Variants in ATP8B3 observed in about 807,000 individuals in gnomAD.
The protein encoded by ATP8B3 is phospholipid-transporting ATPase IK.
ATP8B3 carries 141 observed loss-of-function variants against 140.9 expected under a neutral mutation model. That is an observed-to-expected ratio of 1.00 (90% CI 0.87 to 1.15). ATP8B3 has a LOEUF of 1.15. Among genes scored for constraint, ATP8B3 ranks in the 50% most tolerant of loss-of-function variants. ATP8B3 has a pLI of 0.00. For synonymous variants in ATP8B3, 765 were observed against 714.6 expected, an observed-to-expected ratio of 1.07 and a Z score of -1.13; for missense variants, 1,874 against 1,740.6, an observed-to-expected ratio of 1.08 and a Z score of -1.36.
chr19:1,793,360 C>T (rs966546884), intron 18 of ATP8B3, among the ~76,000 whole-genome samples: 4 of 152,202 alleles, frequency 2.6e-5, no homozygotes, highest in African/African-American at 9.6e-5. Context: ...ACCTGAGCCT[C>T]AAAACGCTGA....
intron 16 of ATP8B3, among the ~76,000 whole-genome samples, chr19:1,796,496 G>A (rs538344591): frequency 2.5e-4 from 38 of 152,232 alleles, no homozygotes; most frequent in Non-Finnish European, 4.8e-4. Flanking sequence ...TAGCCCTGAC[G>A]ATGACACGTC....
chr19:1,792,291 G>T (rs2068537147), intron 18 of ATP8B3, among the ~76,000 whole-genome samples, 156 bp from the exon 19 acceptor site: 2 of 152,166 alleles, frequency 1.3e-5, no homozygotes. Context: ...TCAGAAAACT[G>T]GTCTGAGGCC....
chr19:1,806,542 G>GC lies in ATP8B3; in HGVS notation c.677+85_677+86insG, dbSNP rs2069026895. 6.5e-7 allele frequency: 1 copy of GC among 1,536,860 alleles called. No homozygotes were observed. Among genetic ancestry groups the GC allele is most frequent in the African/African-American group, 1.4e-5 (1 of 72,968 alleles). The stretch of plus-strand genomic sequence containing the variant: ...GCCGGGAGATCAGGGAGCACGGAAG[G>GC]TGATGGACACTTGCCGAGGCCGATG... On this transcript the variant is annotated intron_variant, in intron 7 of 28. Coordinates refer to ENST00000310127, the MANE Select transcript of ATP8B3 (RefSeq NM_138813.4). The surrounding 1 kb of genome is among the most constrained non-coding windows in gnomAD (Gnocchi z 5.6).
chr19:1,787,857 C>A (rs1260267970), intron 24 of ATP8B3, among the ~76,000 whole-genome samples: 1 of 150,688 alleles, frequency 6.6e-6, no homozygotes, highest in Admixed American at 6.7e-5. Flanking sequence ...GCCTGGCCAA[C>A]ATGGCAAAAC....
In ATP8B3 at chr19:1,797,791, A is replaced by C. The variant is rs533750454; in HGVS notation, c.1553-786T>G. 1.9e-3 allele frequency among the ~76,000 whole-genome samples: 291 copies of C among 151,310 alleles called. 8 individuals are homozygous for C. Among genetic ancestry groups the C allele is most frequent in the African/African-American group, 6.5e-3 (268 of 41,132 alleles). On this transcript the variant is annotated intron_variant, in intron 14 of 28. Coordinates refer to ENST00000310127, the MANE Select transcript of ATP8B3 (RefSeq NM_138813.4). ...CTGGGATTACAGGCGTAGCCACCGC[A>C]CCCAGCCACTTTTTATGCTTTATTG... is the stretch of plus-strand genomic sequence containing the variant.
rs528928319 is a variant in ATP8B3, at chr19:1,790,828, C to A, written c.2307G>T (p.Thr769=). The change falls in exon 21 of 29, where the codon ACG becomes ACT. Residue 769 remains threonine, a synonymous_variant. Coordinates refer to ENST00000310127, the MANE Select transcript of ATP8B3 (RefSeq NM_138813.4). ...IWVLTGDKQE[T]AVNIGFACEL... is the part of the protein sequence containing the mutation. The stretch of plus-strand genomic sequence containing the variant: ...CGCAGGCGAAGCCGATGTTCACAGC[C>A]GTTTCTGCGAAGCAGACCAGCTCAG... 6.3e-6 allele frequency: 10 copies of A among 1,598,774 alleles called. 1 individual carries two copies. In the South Asian group the frequency reaches 1.1e-4, roughly 18 times the overall value.
At chr19:1,795,455 G>A (rs981372203) in intron 18 of ATP8B3, among the ~76,000 whole-genome samples, 1 of 152,052 alleles carries the variant, frequency 6.6e-6, no homozygotes, top group Non-Finnish European at 1.5e-5. Context: ...GGAGGCTGAG[G>A]CAGGAGAATC....
rs772954063 is a variant in ATP8B3, at chr19:1,789,494, G to C, written c.2712C>G (p.Ser904=). The C allele has an allele frequency of 1.7e-5, 27 of 1,598,022 alleles. 1 individual carries two copies. In the Admixed American group the frequency reaches 3.5e-4, roughly 21 times the overall value. Residue 904 remains serine (S), a synonymous_variant, in exon 23 of 29, where the codon TCC becomes TCG. Transcript: ENST00000310127. ...LQERAFVDLA[S]KCQAVICCRV... is the part of the protein sequence containing the mutation. ...GGCAGCAGATGACCGCCTGGCACTTGGACGCCAGGTCCACGAAGGCGCGCT... is the reference window on the plus strand; with the variant it reads ...GGCAGCAGATGACCGCCTGGCACTTCGACGCCAGGTCCACGAAGGCGCGCT...
intron 14 of ATP8B3, 163 bp downstream of exon 14, chr19:1,799,784 C>A: frequency 1.4e-6 from 1 of 708,672 alleles, no homozygotes; most frequent in Non-Finnish European, 2.3e-6. Context: ...AAAAAATTTT[C>A]CTGGCCCCCT....
Position 1,807,318 on chromosome 19 carries a change from C to T in ATP8B3, c.517-52G>A. 6.7e-7 allele frequency: 1 copy of T among 1,481,974 alleles called. No homozygotes were observed. Among genetic ancestry groups the T allele is most frequent in the Non-Finnish European group, 9.4e-7 (1 of 1,067,516 alleles). The allele number at this position is 1,481,974 out of a possible 1,614,324, so 91.8% of individuals were successfully genotyped here. ...TCACACCAGCCCACTCCCCCGTCCC[C>T]TGCCCTTCCACCAAGCCGACCTAGC... is the stretch of plus-strand genomic sequence containing the variant. On this transcript the variant is annotated intron_variant, in intron 5 of 28. Transcript: ENST00000310127. The surrounding 1 kb of genome is among the most constrained non-coding windows in gnomAD (Gnocchi z 5.9).
chr19:1,808,449 GGGAC>G (rs2069094357), intron 4 of ATP8B3, 114 bp from the exon 5 acceptor site: 1 of 590,296 alleles, frequency 1.7e-6, no homozygotes, highest in East Asian at 3.4e-5. Context: ...TCTGGGCTAT[GGGAC>G]ACACACCATT....
chr19:1,800,136 C>T lies in ATP8B3; in HGVS notation c.1363G>A (p.Gly455Arg), dbSNP rs1011544274. The stretch of plus-strand genomic sequence containing the variant: ...TCCCAGTCGATGAAGACGCTGTTCC[C>T]CAGGTAGATGAACTCGGACCTGCAG... ...MFILSEFIYL[G>R]NSVFIDWDVQ... The change falls in exon 14 of 29, where the codon GGG becomes AGG. Residue 455 changes from glycine (G) to arginine (R), a missense_variant. By Grantham distance (125) the Gly-to-Arg change is moderately radical. Transcript: ENST00000310127. This position sits in a 1 kb window ranked among gnomAD's most constrained non-coding sequence, Gnocchi z 4.4. 6.4e-7 allele frequency: 1 copy of T among 1,558,920 alleles called. No homozygotes were observed. Among genetic ancestry groups the T allele is most frequent in the Non-Finnish European group, 8.7e-7 (1 of 1,151,006 alleles).
chr19:1,796,790 G>A lies in ATP8B3; in HGVS notation c.1674C>T (p.Asp558=), dbSNP rs371568261. The change falls in exon 16 of 29, where the codon GAC becomes GAT. Residue 558 remains aspartate (D), a synonymous_variant. Transcript: ENST00000310127. The part of the protein sequence containing the change: ...ALLHLVRTNG[D]EAVREFWRLL... ...GGCGCCAGAACTCCCGCACGGCCTCGTCCCCGTTGGTCCGCACGAGGTGCA... is the reference window on the plus strand; with the variant it reads ...GGCGCCAGAACTCCCGCACGGCCTCATCCCCGTTGGTCCGCACGAGGTGCA... 569 of 1,612,472 alleles carry A rather than the reference G, an allele frequency of 3.5e-4. No individual in the cohort carries two copies. The highest frequency in any genetic ancestry group is 4.5e-4 in the Non-Finnish European group (527 of 1,179,634).
chr19:1,783,202 C>A lies in ATP8B3; in HGVS notation c.3729G>T (p.Arg1243=). The change falls in exon 29 of 29, where the codon CGG becomes CGT. Residue 1243 remains arginine (R), a synonymous_variant. Coordinates refer to ENST00000310127, the MANE Select transcript of ATP8B3 (RefSeq NM_138813.4). ...AGCTGGAACGGCGGGCACGAGACTC[C>A]CGGTGTACATGAGGCAAGGGCTCCA... The part of the protein sequence containing the change: ...FTMEPLPHVH[R]ESRARRSSYA... 1 of 1,612,766 alleles carries A rather than the reference C, an allele frequency of 6.2e-7. No homozygotes were observed. Among genetic ancestry groups the A allele is most frequent in the Non-Finnish European group, 8.5e-7 (1 of 1,179,446 alleles).
Position 1,791,867 on chromosome 19 carries a change from G to C in ATP8B3, c.2191-6C>G, listed in dbSNP as rs1236255377. ...ATGGCTGTGGCTCCCAGCAGCTGGT[G>C]GGGGAGGAGGGCAGGGCGGGGAAGA... is the stretch of plus-strand genomic sequence containing the variant. On this transcript the variant is annotated splice_polypyrimidine_tract_variant and splice_region_variant and intron_variant, in intron 19 of 28. Coordinates refer to ENST00000310127, the MANE Select transcript of ATP8B3 (RefSeq NM_138813.4). 6.2e-7 allele frequency: 1 copy of C among 1,609,770 alleles called. No homozygotes were observed. Among genetic ancestry groups the C allele is most frequent in the African/African-American group, 1.3e-5 (1 of 74,928 alleles).
intron 2 of ATP8B3, among the ~76,000 whole-genome samples, 152 bp from the exon 3 acceptor site, chr19:1,810,835 C>G (rs1344674935): frequency 2.0e-5 from 3 of 152,164 alleles, no homozygotes; most frequent in Non-Finnish European, 1.5e-5. Context: ...TCTGAATGTC[C>G]AGCCATAGGC....
rs899641567 is a variant in ATP8B3 at position 1,785,044 on chromosome 19, G to A, written c.3533-98C>T. 7 of 1,498,966 alleles carry A rather than the reference G, an allele frequency of 4.7e-6. No homozygotes were observed. In the Admixed American group the frequency reaches 1.4e-4, roughly 30 times the overall value. 92.9% of individuals were successfully genotyped at this position (1,498,966 alleles called of 1,614,324 possible). On this transcript the variant is annotated intron_variant, in intron 27 of 28. Transcript: ENST00000310127. ...GGTGCCTTTGTGCCTGGTCCATAAA[G>A]GAGCGCCTTCCCCAGGACACTTTGC...
intron 14 of ATP8B3, chr19:1,798,919 G>A (rs1303652697): frequency 6.6e-6 from 1 of 151,872 alleles, no homozygotes; most frequent in African/African-American, 2.4e-5. Context: ...GAGGCAGGCG[G>A]ATCGCTTAAG....
At chr19:1,798,412 T>C (rs2068744504) in intron 14 of ATP8B3, among the ~76,000 whole-genome samples, 1 of 151,948 alleles carries the variant, frequency 6.6e-6, no homozygotes, top group Non-Finnish European at 1.5e-5. Context: ...GGATTTTTAA[T>C]GGTCAGGAAA....
Sources: allele counts gnomAD v4.1 joint callset (sites outside exome capture counted in the v4.1 genomes callset), GRCh38; gene constraint gnomAD v4.1.1; non-coding constraint Gnocchi (gnomAD v3.1); transcripts MANE v1.5; gene names NCBI Gene and HGNC (gene_info 2026-07-23, HGNC 2026-07-21).